MYO9B: variants seen among roughly 807,000 people sequenced by gnomAD.
MYO9B encodes myosin IXB, also known as unconventional myosin-IXb.
In MYO9B, 71 loss-of-function variants were observed where a neutral mutation model predicts 229.5. That is an observed-to-expected ratio of 0.31 (90% CI 0.26 to 0.38). The LOEUF (loss-of-function observed/expected upper bound fraction) is 0.38, where lower values mean the gene tolerates loss of function less well. Among genes scored for constraint, MYO9B ranks in the 10% least tolerant of loss-of-function variants. The pLI, the probability that MYO9B is intolerant of heterozygous loss-of-function variation, is 1.00. For synonymous variants in MYO9B, 1,185 were observed against 1,235.8 expected (o/e 0.96, Z 0.86); for missense variants, 2,255 against 2,920.5 (o/e 0.77, Z 5.25).
chr19:17,145,600 T>A (rs1199896498), intron 3 of MYO9B, 109 bp downstream of exon 3: 7 of 970,360 alleles, frequency 7.2e-6, no homozygotes, highest in Non-Finnish European at 1.1e-5. Context: ...TGGATGTTTA[T>A]GCTTTGTATG....
intron 2 of MYO9B, among the ~76,000 whole-genome samples, chr19:17,134,663 C>T (rs2072247360): frequency 6.6e-6 from 1 of 151,922 alleles, no homozygotes; most frequent in Non-Finnish European, 1.5e-5. Flanking sequence ...GCTGGAATTA[C>T]AGGTGTGAGC....
In MYO9B at chr19:17,114,338, G is replaced by A. The variant is rs761605689; in HGVS notation, c.840+11781G>A. On this transcript the variant is annotated intron_variant, in intron 2 of 39. Coordinates refer to ENST00000682292, the MANE Select transcript of MYO9B (RefSeq NM_004145.4). The stretch of plus-strand genomic sequence containing the variant: ...TGGCGGGAAGCAGTTTCAGTCCGGC[G>A]TTCTCCCTCGTCCCTTGGGGGAGGT... Among the ~76,000 whole-genome samples the A allele has an allele frequency of 3.9e-5, 6 of 152,244 alleles. No individual in the cohort carries two copies. In the East Asian group the frequency reaches 5.8e-4, roughly 15 times the overall value.
At position 17,163,760 on chromosome 19, in the gene MYO9B, A is replaced by G. The variant is rs1185699817; in HGVS notation, c.1671+638A>G. Reference sequence around the variant, plus strand: ...TCTTTTTGTGACTGGCTTATTTCGCATAGTATAAAGTCCTCATGGTTCATC... The same window carrying G: ...TCTTTTTGTGACTGGCTTATTTCGCGTAGTATAAAGTCCTCATGGTTCATC... On this transcript the variant is annotated intron_variant, in intron 10 of 39. Transcript: ENST00000682292. Among the ~76,000 whole-genome samples the G allele has an allele frequency of 7.2e-5, 11 of 152,340 alleles. No homozygotes were observed. In the East Asian group the frequency reaches 1.9e-3, roughly 27 times the overall value.
chr19:17,152,186 CAAAAA>C (rs537549171), intron 3 of MYO9B, among the ~76,000 whole-genome samples: 1 of 127,546 alleles, frequency 7.8e-6, no homozygotes. Context: ...GACTCCATCA[CAAAAA>C]AAAAAAAAAA....
Position 17,211,754 on chromosome 19 carries a change from C to T in MYO9B, c.6038C>T (p.Ala2013Val). The stretch of plus-strand genomic sequence containing the variant: ...ACCGAGAGCCTGCTGGAGGAGCGGG[C>T]CGGGCGGGGGGCCTCGGAAGGTCAG... ...ASTESLLEER[A>V]GRGASEGPPA... Residue 2013 changes from alanine to valine, a missense_variant, in exon 39 of 40, where the codon GCC becomes GTC. By Grantham distance (64) the Ala-to-Val change is moderately conservative (BLOSUM62 0). This residue lies in a region of MYO9B where 331 missense variants were observed against 332.5 expected (regional missense o/e 1.00). Transcript: ENST00000682292. 6.2e-7 allele frequency: 1 copy of T among 1,613,120 alleles called. No homozygotes were observed. Among genetic ancestry groups the T allele is most frequent in the Non-Finnish European group, 8.5e-7 (1 of 1,179,732 alleles).
At chr19:17,190,179 A>G (rs1454805852) in intron 19 of MYO9B, among the ~76,000 whole-genome samples, 6 of 150,840 alleles carry the variant, frequency 4.0e-5, no homozygotes, top group Admixed American at 4.0e-4. Context: ...CTGAGAACCC[A>G]TTTCTTTGGT....
In MYO9B at chr19:17,093,095, G is replaced by A. The variant is rs149419040; in HGVS notation, c.-58-8565G>A. On this transcript the variant is annotated intron_variant, in intron 1 of 39. Transcript: ENST00000682292. ...ACCTGTAATCCTGGCACTTTGGGAG[G>A]CTGAGGTGGGCGGATCACCTGAGGT... Among the ~76,000 whole-genome samples, 4 of 152,290 alleles carry A rather than the reference G, an allele frequency of 2.6e-5. No individual in the cohort carries two copies. In the East Asian group the frequency reaches 7.7e-4, roughly 29 times the overall value.
intron 24 of MYO9B, among the ~76,000 whole-genome samples, chr19:17,199,331 G>A (rs1407662565): frequency 4.6e-5 from 7 of 152,088 alleles, no homozygotes; most frequent in African/African-American, 7.2e-5. Context: ...AGGCTGTAGC[G>A]AGCTATGATC....
chr19:17,157,231 C>T (rs1429556404), intron 7 of MYO9B, 193 bp downstream of exon 7: 1 of 612,282 alleles, frequency 1.6e-6, no homozygotes, highest in Non-Finnish European at 2.6e-6. Context: ...GGCACCTCCT[C>T]CTCCCACCCT....
intron 2 of MYO9B, among the ~76,000 whole-genome samples, chr19:17,129,059 G>A (rs770448556): frequency 6.6e-6 from 1 of 152,158 alleles, no homozygotes; most frequent in African/African-American, 2.4e-5. Flanking sequence ...CCTGAGCAGG[G>A]GGGTGGAGGC....
intron 2 of MYO9B, among the ~76,000 whole-genome samples, chr19:17,124,633 A>G (rs2057997242): frequency 6.6e-6 from 1 of 151,534 alleles, no homozygotes; most frequent in Admixed American, 6.6e-5. Context: ...TTAGCCGGGC[A>G]CCTGTAATCC....
chr19:17,090,501 T>C (rs2057627753), intron 1 of MYO9B, among the ~76,000 whole-genome samples: 1 of 152,204 alleles, frequency 6.6e-6, no homozygotes, highest in Non-Finnish European at 1.5e-5. Flanking sequence ...ATGGGCCACG[T>C]TGTGTTTTTC....
chr19:17,088,539 C>T (rs2057605899), intron 1 of MYO9B, among the ~76,000 whole-genome samples: 1 of 152,214 alleles, frequency 6.6e-6, no homozygotes, highest in African/African-American at 2.4e-5. Context: ...TCTGTCCCAC[C>T]CCTAGGACCT....
At position 17,117,146 on chromosome 19, in the gene MYO9B, A is replaced by G. The variant is rs117229480; in HGVS notation, c.840+14589A>G. Among the ~76,000 whole-genome samples, 160 of 152,250 alleles carry G rather than the reference A, an allele frequency of 1.1e-3. 3 individuals carry two copies. The East Asian group carries it at 0.03, about 28-fold the overall frequency. On this transcript the variant is annotated intron_variant, in intron 2 of 39. Coordinates refer to ENST00000682292, the MANE Select transcript of MYO9B (RefSeq NM_004145.4). ...CTGGGGGTTTTACTGCTCCAGGGTT[A>G]TGGAGACAGGGGACCCATCTGTCTA...
intron 3 of MYO9B, among the ~76,000 whole-genome samples, chr19:17,151,322 C>T (rs920725192): frequency 4.6e-5 from 7 of 151,356 alleles, no homozygotes; most frequent in African/African-American, 1.5e-4. Context: ...AACGGCAGAA[C>T]ACCAGACCAT....
Position 17,195,090 on chromosome 19 carries a change from A to G in MYO9B, c.3663A>G (p.Gln1221=). ...ENTSQKQPTE[Q]PQAMAVGKVS... ...CATCTCAAAAGCAGCCCACAGAGCA[A>G]CCCCAGGCCATGGCAGTTGGCAAGG... The change falls in exon 22 of 40, where the codon CAA becomes CAG. Residue 1221 remains glutamine (Q), a synonymous_variant. Coordinates refer to ENST00000682292, the MANE Select transcript of MYO9B (RefSeq NM_004145.4). The surrounding 1 kb of genome is among the most constrained non-coding windows in gnomAD (Gnocchi z 4.5). 6.2e-7 allele frequency: 1 copy of G among 1,612,774 alleles called. No individual in the cohort carries two copies. The highest frequency in any genetic ancestry group is 8.5e-7 in the Non-Finnish European group (1 of 1,179,818).
At chr19:17,144,969 CAAAAA>C (rs58527501) in intron 2 of MYO9B, among the ~76,000 whole-genome samples, 3 of 83,596 alleles carry the variant, frequency 3.6e-5, no homozygotes, top group African/African-American at 7.2e-5. Context: ...GACTTCATCT[CAAAAA>C]AAAAAAAAAA....
chr19:17,132,623 G>T (rs1383276971), intron 2 of MYO9B, among the ~76,000 whole-genome samples: 2 of 146,834 alleles, frequency 1.4e-5, no homozygotes, highest in Non-Finnish European at 3.0e-5. Flanking sequence ...CCACCTCCCA[G>T]GTTCGTGCCA....
chr19:17,205,317 C>G lies in MYO9B; in HGVS notation c.5045C>G (p.Ser1682Cys). ...KCVHKIQSHC[S>C]YTYGRKGEPG... ...GTGCACAAGATTCAGAGCCACTGCT[C>G]CTACACCTACGGGAGGAAGGTGAGT... The change falls in exon 31 of 40, where the codon TCC becomes TGC. Residue 1682 changes from serine to cysteine, a missense_variant. Ser to Cys is a moderately radical substitution (Grantham distance 112). Around this residue, in one of 7 missense-constraint regions of MYO9B, gnomAD observed 416 missense variants for 605.5 expected, o/e 0.69. Coordinates refer to ENST00000682292, the MANE Select transcript of MYO9B (RefSeq NM_004145.4). 1 of 1,613,804 alleles carries G rather than the reference C, an allele frequency of 6.2e-7. No homozygotes were observed. The highest frequency in any genetic ancestry group is 8.5e-7 in the Non-Finnish European group (1 of 1,179,810).
Sources: gnomAD v4.1 joint callset for allele counts (sites outside exome capture counted in the v4.1 genomes callset) on GRCh38, gnomAD v4.1.1 for gene constraint, gnomAD v4.1.1 regional missense constraint, Gnocchi (gnomAD v3.1) non-coding constraint, MANE v1.5 for transcripts, NCBI Gene and HGNC (gene_info 2026-07-23, HGNC 2026-07-21) for gene names.